Variants in VIPR2 observed in about 807,000 individuals in gnomAD.
VIPR2 encodes the protein vasoactive intestinal peptide receptor 2.
In VIPR2, 48 loss-of-function variants were observed where a neutral mutation model predicts 58.0. That is an observed-to-expected ratio of 0.83 (90% CI 0.66 to 1.05). The LOEUF (loss-of-function observed/expected upper bound fraction) is 1.05. VIPR2 is among the 50% of genes least tolerant of loss of function. VIPR2 has a pLI of 0.00. For missense variants in VIPR2, 534 were observed against 558.0 expected (o/e 0.96, Z 0.43); for synonymous variants, 243 against 235.2 (o/e 1.03, Z -0.30).
intron 5 of VIPR2, among the ~76,000 whole-genome samples, chr7:159,049,927 A>C (rs888175668): frequency 7.1e-6 from 1 of 140,926 alleles, no homozygotes; most frequent in African/African-American, 2.5e-5. Context: ...GAAAAATTCA[A>C]ATCCTCTGCA....
chr7:159,057,003 G>C (rs1327184806), intron 5 of VIPR2, among the ~76,000 whole-genome samples: 1 of 152,192 alleles, frequency 6.6e-6, no homozygotes, highest in African/African-American at 2.4e-5. Flanking sequence ...GGAGGGGTGT[G>C]TTCTGTGCCC....
intron 2 of VIPR2, among the ~76,000 whole-genome samples, chr7:159,114,253 G>A (rs895532754): frequency 2.0e-5 from 3 of 152,094 alleles, no homozygotes; most frequent in Non-Finnish European, 4.4e-5. Context: ...GTAGGAGTGT[G>A]CGCCGAGGCA....
chr7:159,141,829 G>A (rs1018232348), intron 2 of VIPR2, among the ~76,000 whole-genome samples: 2 of 152,196 alleles, frequency 1.3e-5, no homozygotes, highest in Admixed American at 1.3e-4. Flanking sequence ...AAAGAGCAGA[G>A]AAAGCTGAGG....
At chr7:159,126,873 A>G (rs1796669901) in intron 2 of VIPR2, among the ~76,000 whole-genome samples, 1 of 152,216 alleles carries the variant, frequency 6.6e-6, no homozygotes, top group South Asian at 2.1e-4. Flanking sequence ...GCACTGTACT[A>G]TGGGCAGGAT....
In VIPR2 at chr7:159,096,040, G is replaced by A. The variant is rs1449205423; in HGVS notation, c.357+7717C>T. On this transcript the variant is annotated intron_variant, in intron 4 of 12. Transcript: ENST00000262178. This position sits in a 1 kb window ranked among gnomAD's most constrained non-coding sequence, Gnocchi z 5.5. ...ACACCTTCTCAGAACCAGCGCCCCT[G>A]CCCCACCCACCTGTGGAGCCCAAGA... 2.0e-5 allele frequency among the ~76,000 whole-genome samples: 3 copies of A among 152,092 alleles called. No homozygotes were observed. Among genetic ancestry groups the A allele is most frequent in the Admixed American group, 1.3e-4 (2 of 15,264 alleles).
In VIPR2 at chr7:159,030,514, C is replaced by T; in HGVS notation, c.*102G>A. ...GGAGTCAGGACCGCGCTGACCTGCC[C>T]GACACGGTGCTCGGGCATCTGGAAG... On this transcript the variant is annotated 3_prime_UTR_variant, in exon 13 of 13. Transcript: ENST00000262178. 7.1e-7 allele frequency: 1 copy of T among 1,411,874 alleles called. No individual in the cohort carries two copies. 87.5% of individuals were successfully genotyped at this position (1,411,874 alleles called of 1,614,324 possible).
At chr7:159,074,122 T>C (rs1175010162) in intron 4 of VIPR2, among the ~76,000 whole-genome samples, 1 of 152,180 alleles carries the variant, frequency 6.6e-6, no homozygotes, top group Non-Finnish European at 1.5e-5. Flanking sequence ...ATCATGTAAG[T>C]CCATACTCAG....
intron 4 of VIPR2, among the ~76,000 whole-genome samples, chr7:159,101,495 C>T (rs184601863): frequency 0.042 from 4,948 of 117,038 alleles, 121 homozygotes; most frequent in Non-Finnish European, 0.056. Context: ...GCCGTTCCCC[C>T]GACCGTTCCT....
chr7:159,069,416 C>G (rs1249888024), intron 4 of VIPR2, among the ~76,000 whole-genome samples: 1 of 152,214 alleles, frequency 6.6e-6, no homozygotes, highest in African/African-American at 2.4e-5. Context: ...CTGCTGCACT[C>G]CTCCTCACGT....
intron 4 of VIPR2, among the ~76,000 whole-genome samples, chr7:159,102,435 C>CA (rs1376584815): frequency 6.6e-6 from 1 of 152,208 alleles, no homozygotes; most frequent in Non-Finnish European, 1.5e-5. Context: ...ATAAATTACC[C>CA]AATCTCAGAT....
chr7:159,036,976 T>C lies in VIPR2; in HGVS notation c.598-74A>G, dbSNP rs924044833. On this transcript the variant is annotated intron_variant, in intron 6 of 12. Transcript: ENST00000262178. ...AGCAGCTACCAGCAGGCAGTGCCGC[T>C]CCAGGACACAGGGCGCTTGGTATCT... 12 of 1,533,348 alleles carry C rather than the reference T, an allele frequency of 7.8e-6. No individual in the cohort carries two copies. In the African/African-American group the frequency reaches 1.6e-4, roughly 21 times the overall value. The allele number at this position is 1,533,348 out of a possible 1,614,324, so 95.0% of individuals were successfully genotyped here.
At chr7:159,109,974 T>C in intron 2 of VIPR2, 55 bp from the exon 3 acceptor site, 1 of 1,552,992 alleles carries the variant, frequency 6.4e-7, no homozygotes, top group East Asian at 2.2e-5. Flanking sequence ...GTGTCACAAA[T>C]AGAAACCCCA....
At chr7:159,137,288 C>A (rs1797270918) in intron 2 of VIPR2, among the ~76,000 whole-genome samples, 1 of 116,554 alleles carries the variant, frequency 8.6e-6, no homozygotes, top group Non-Finnish European at 2.0e-5. Context: ...ACCATAATTC[C>A]CTTTATGATT....
chr7:159,046,790 T>C (rs1585356680), intron 5 of VIPR2, among the ~76,000 whole-genome samples: 1 of 152,068 alleles, frequency 6.6e-6, no homozygotes, highest in African/African-American at 2.4e-5. Context: ...AAAAGAAAAA[T>C]AATTTTTGTC....
chr7:159,083,864 G>C (rs73730156), intron 4 of VIPR2, among the ~76,000 whole-genome samples: 4,065 of 152,322 alleles, frequency 0.027, 188 homozygotes, highest in African/African-American at 0.09. Flanking sequence ...GGCTAGGCCA[G>C]GGGGCTCCTG....
At chr7:159,115,123 G>C (rs1796189061) in intron 2 of VIPR2, among the ~76,000 whole-genome samples, 1 of 152,236 alleles carries the variant, frequency 6.6e-6, no homozygotes, top group Admixed American at 6.5e-5. Context: ...GCAGTTAAAG[G>C]TTTGGTTCCT....
chr7:159,130,545 G>A (rs1038979967), intron 2 of VIPR2, among the ~76,000 whole-genome samples: 2 of 152,012 alleles, frequency 1.3e-5, no homozygotes, highest in African/African-American at 2.4e-5. Flanking sequence ...TCAGCCCACT[G>A]AGGACCATTT....
intron 4 of VIPR2, among the ~76,000 whole-genome samples, chr7:159,076,945 T>C (rs1418645237): frequency 6.6e-6 from 1 of 152,244 alleles, no homozygotes; most frequent in Non-Finnish European, 1.5e-5. Flanking sequence ...TTGCTTAGCC[T>C]GGAGTGGCTT....
At chr7:159,111,377 T>C (rs1019802490) in intron 2 of VIPR2, among the ~76,000 whole-genome samples, 5 of 152,188 alleles carry the variant, frequency 3.3e-5, no homozygotes, top group African/African-American at 1.2e-4. Context: ...AATGACAAAT[T>C]TCTACCTTGA....
Sources: gnomAD v4.1 joint callset for allele counts (sites outside exome capture counted in the v4.1 genomes callset) on GRCh38, gnomAD v4.1.1 for gene constraint, Gnocchi (gnomAD v3.1) non-coding constraint, MANE v1.5 for transcripts, NCBI Gene and HGNC (gene_info 2026-07-23, HGNC 2026-07-21) for gene names.